Variants in RYR2 observed in about 807,000 individuals in gnomAD.
RYR2 encodes the protein ryanodine receptor 2, also known as cardiac muscle ryanodine receptor-calcium release channel.
RYR2 carries 227 observed loss-of-function variants against 601.1 expected under a neutral mutation model. That is an observed-to-expected ratio of 0.38 (90% CI 0.34 to 0.42). The LOEUF (loss-of-function observed/expected upper bound fraction) is 0.42, where lower values mean the gene tolerates loss of function less well. Ranked by LOEUF, RYR2 falls within the 10% of genes least tolerant of loss-of-function variation. RYR2 has a pLI of 1.00. For synonymous variants in RYR2, 2,223 were observed against 2,175.1 expected (o/e 1.02, Z -0.61); for missense variants, 4,646 against 6,156.5 (o/e 0.75, Z 8.21).
intron 17 of RYR2, among the ~76,000 whole-genome samples, chr1:237,471,979 C>T (rs887954234): frequency 1.3e-5 from 2 of 152,192 alleles, no homozygotes; most frequent in African/African-American, 4.8e-5. Context: ...AAGGTTAAAA[C>T]TCAGCTCCCT....
chr1:237,678,934 G>T (rs1685627120), intron 61 of RYR2, among the ~76,000 whole-genome samples: 1 of 152,158 alleles, frequency 6.6e-6, no homozygotes, highest in Non-Finnish European at 1.5e-5. Flanking sequence ...TACAACTTTT[G>T]TGGACTTTAA....
chr1:237,179,314 T>C (rs1678433717), intron 1 of RYR2, among the ~76,000 whole-genome samples: 2 of 152,006 alleles, frequency 1.3e-5, no homozygotes, highest in African/African-American at 4.8e-5. Flanking sequence ...AATTATATTG[T>C]GTTGAACTCA....
At chr1:237,183,353 A>G (rs1307419384) in intron 1 of RYR2, among the ~76,000 whole-genome samples, 1 of 152,198 alleles carries the variant, frequency 6.6e-6, no homozygotes, top group Non-Finnish European at 1.5e-5. Context: ...GAACCAAGAA[A>G]GAGGAATTTA....
intron 1 of RYR2, among the ~76,000 whole-genome samples, chr1:237,044,758 C>T (rs1660348603): frequency 6.7e-6 from 1 of 150,336 alleles, no homozygotes; most frequent in Admixed American, 6.7e-5. Context: ...CCACCCATTA[C>T]CCTCCATCCT....
At chr1:237,795,647 C>T (rs552558383) in intron 96 of RYR2, among the ~76,000 whole-genome samples, 2 of 151,432 alleles carry the variant, frequency 1.3e-5, no homozygotes, top group South Asian at 2.1e-4. Context: ...GATGGGGTTT[C>T]GCCATGTTGG....
In RYR2 at chr1:237,601,995, A is replaced by G. The variant is rs372747713; in HGVS notation, c.4597-30A>G. On this transcript the variant is annotated intron_variant, in intron 34 of 104. Coordinates refer to ENST00000366574, the MANE Select transcript of RYR2 (RefSeq NM_001035.3). ...TTTCCCTTGTCTTGTTTCATTACTAACATTATTAAATTCATTAAATGTATT... is the reference window on the plus strand; with the variant it reads ...TTTCCCTTGTCTTGTTTCATTACTAGCATTATTAAATTCATTAAATGTATT... The G allele has an allele frequency of 8.2e-6, 13 of 1,580,312 alleles. No individual in the cohort carries two copies. The African/African-American group carries it at 1.6e-4, about 20-fold the overall frequency.
At chr1:237,413,500 A>T (rs900726270) in intron 10 of RYR2, among the ~76,000 whole-genome samples, 1 of 152,216 alleles carries the variant, frequency 6.6e-6, no homozygotes, top group Non-Finnish European at 1.5e-5. Flanking sequence ...ATAACTTTAC[A>T]AAGATATATT....
In RYR2 at chr1:237,550,700, G is replaced by C. The variant is rs377240715; in HGVS notation, c.3214+9G>C. On this transcript the variant is annotated intron_variant, in intron 27 of 104. Transcript: ENST00000366574. ...ACCAGATCAAGATCATGGTATTTTG[G>C]TTTTACTTTCCTCTTCTTCGGTTGC... 3.2e-6 allele frequency: 5 copies of C among 1,539,290 alleles called. No homozygotes were observed. Among genetic ancestry groups the C allele is most frequent in the Non-Finnish European group, 4.4e-6 (5 of 1,142,656 alleles).
intron 26 of RYR2, among the ~76,000 whole-genome samples, chr1:237,550,238 T>C (rs1307372728): frequency 1.3e-5 from 2 of 152,236 alleles, no homozygotes; most frequent in African/African-American, 2.4e-5. Context: ...TTATATGTTC[T>C]CTAAGTTTGT....
chr1:237,239,238 G>A (rs1489736942), intron 1 of RYR2, among the ~76,000 whole-genome samples: 3 of 152,096 alleles, frequency 2.0e-5, no homozygotes, highest in Non-Finnish European at 4.4e-5. Flanking sequence ...AATACCCGAG[G>A]CTTGTTGCCT....
chr1:237,165,157 T>G (rs1676552083), intron 1 of RYR2, among the ~76,000 whole-genome samples: 1 of 151,934 alleles, frequency 6.6e-6, no homozygotes, highest in African/African-American at 2.4e-5. Context: ...GGGGTCTCAC[T>G]ATGTTGCCCA....
chr1:237,140,721 G>C (rs1025415189), intron 1 of RYR2, among the ~76,000 whole-genome samples: 1 of 152,154 alleles, frequency 6.6e-6, no homozygotes, highest in Admixed American at 6.5e-5. Flanking sequence ...TGGGGAAGTG[G>C]ATTAATTATT....
intron 55 of RYR2, among the ~76,000 whole-genome samples, chr1:237,660,371 A>C (rs1427478805): frequency 6.6e-6 from 1 of 151,954 alleles, no homozygotes; most frequent in Non-Finnish European, 1.5e-5. Context: ...TATCATGCTT[A>C]AGAGTTTCTT....
intron 71 of RYR2, 60 bp downstream of exon 71, chr1:237,711,897 G>A: frequency 1.2e-6 from 1 of 803,698 alleles, no homozygotes; most frequent in Non-Finnish European, 2.1e-6. Context: ...TTCATGAATT[G>A]ACTTTTTTTT....
intron 10 of RYR2, among the ~76,000 whole-genome samples, chr1:237,403,546 C>T (rs1703579603): frequency 6.6e-6 from 1 of 152,154 alleles, no homozygotes; most frequent in African/African-American, 2.4e-5. Flanking sequence ...CCACCTTGGT[C>T]TCCTGAGTAG....
At chr1:237,441,996 G>A (rs993825074) in intron 13 of RYR2, among the ~76,000 whole-genome samples, 1 of 152,208 alleles carries the variant, frequency 6.6e-6, no homozygotes, top group Non-Finnish European at 1.5e-5. Context: ...TGTATATTCA[G>A]CATCTAGCAG....
In RYR2 at chr1:237,227,396, A is replaced by T. The variant is rs1337846814; in HGVS notation, c.49-43101A>T. Among the ~76,000 whole-genome samples the T allele has an allele frequency of 4.6e-5, 7 of 152,320 alleles. No individual in the cohort carries two copies. The East Asian group carries it at 1.3e-3, about 29-fold the overall frequency. ...CGTGAAAGCAGCCGTAGTCTATGCTACAGGGATGGGCGTGGCTGTGTTTTG... is the reference window on the plus strand; with the variant it reads ...CGTGAAAGCAGCCGTAGTCTATGCTTCAGGGATGGGCGTGGCTGTGTTTTG... On this transcript the variant is annotated intron_variant, in intron 1 of 104. Coordinates refer to ENST00000366574, the MANE Select transcript of RYR2 (RefSeq NM_001035.3).
chr1:237,198,698 C>T (rs1175715375), intron 1 of RYR2, among the ~76,000 whole-genome samples: 1 of 151,922 alleles, frequency 6.6e-6, no homozygotes, highest in Non-Finnish European at 1.5e-5. Flanking sequence ...AATAATCTTC[C>T]CATTGGATTC....
intron 52 of RYR2, 32 bp downstream of exon 52, chr1:237,654,446 C>G: frequency 6.2e-7 from 1 of 1,608,602 alleles, no homozygotes; most frequent in Non-Finnish European, 8.5e-7. Flanking sequence ...TTGTTTGTAT[C>G]AATAAAATGG....
Sources: allele counts gnomAD v4.1 joint callset (sites outside exome capture counted in the v4.1 genomes callset), GRCh38; gene constraint gnomAD v4.1.1; transcripts MANE v1.5; gene names NCBI Gene and HGNC (gene_info 2026-07-23, HGNC 2026-07-21).